The following PHF21A variants were observed in gnomAD, a reference collection of about 807,000 sequenced individuals.
PHF21A encodes BHC80a.
PHF21A carries 11 observed loss-of-function variants against 82.5 expected under a neutral mutation model. That is an observed-to-expected ratio of 0.13 (90% CI 0.08 to 0.22). PHF21A has a LOEUF of 0.22. Ranked by LOEUF, PHF21A falls within the 10% of genes least tolerant of loss-of-function variation. The pLI is 1.00. For missense variants in PHF21A, 579 were observed against 837.8 expected, an observed-to-expected ratio of 0.69 and a Z score of 3.81; for synonymous variants, 297 against 302.8, an observed-to-expected ratio of 0.98 and a Z score of 0.20.
chr11:46,087,323 CAAT>C (rs1248521362), intron 3 of PHF21A, among the ~76,000 whole-genome samples: 1 of 152,146 alleles, frequency 6.6e-6, no homozygotes, highest in Non-Finnish European at 1.5e-5. Flanking sequence ...GTGCCTCGCA[CAAT>C]AATAAGCCTG....
At chr11:45,961,631 T>C (rs1028602349) in intron 10 of PHF21A, among the ~76,000 whole-genome samples, 2 of 34,996 alleles carry the variant, frequency 5.7e-5, no homozygotes, top group African/African-American at 1.2e-4. Flanking sequence ...TAGCTCTGAA[T>C]TGACGACATG....
chr11:46,073,868 CAG>C (rs753612232), intron 6 of PHF21A, among the ~76,000 whole-genome samples: 46 of 152,278 alleles, frequency 3.0e-4, no homozygotes, highest in Admixed American at 1.1e-3. Flanking sequence ...TGAAATCTGC[CAG>C]AGTTTCTTTC....
intron 6 of PHF21A, among the ~76,000 whole-genome samples, chr11:46,008,773 A>G (rs898440792): frequency 6.6e-6 from 1 of 152,172 alleles, no homozygotes; most frequent in Non-Finnish European, 1.5e-5. Flanking sequence ...ATTTAAGTAA[A>G]TAAATGTAAA....
intron 15 of PHF21A, among the ~76,000 whole-genome samples, chr11:45,941,944 G>A (rs1454758821): frequency 6.6e-6 from 1 of 152,166 alleles, no homozygotes; most frequent in Non-Finnish European, 1.5e-5. Flanking sequence ...TTAGTGTCTG[G>A]TAGGTTTTGT....
chr11:46,001,088 T>C (rs1485340153), intron 6 of PHF21A, among the ~76,000 whole-genome samples: 1 of 152,058 alleles, frequency 6.6e-6, no homozygotes, highest in Non-Finnish European at 1.5e-5. Context: ...CAACATATCT[T>C]AACCATAAAA....
chr11:45,936,564 C>T lies in PHF21A; in HGVS notation c.1614G>A (p.Leu538=), dbSNP rs769968905. Reference sequence around the variant, plus strand: ...GCCATGGAATTGCTTCTTCCTTCTTCAGCATCTGAAAAGATTTTTAGAATT... The same window carrying T: ...GCCATGGAATTGCTTCTTCCTTCTTTAGCATCTGAAAAGATTTTTAGAATT... ...WICPRCQDQM[L]KKEEAIPWPG... Residue 538 remains leucine, a synonymous_variant, in exon 17 of 19, where the codon CTG becomes CTA. Coordinates refer to ENST00000676320, the MANE Select transcript of PHF21A (RefSeq NM_001352027.3). 3 of 1,610,226 alleles carry T rather than the reference C, an allele frequency of 1.9e-6. No individual in the cohort carries two copies. The highest frequency in any genetic ancestry group is 1.1e-5 in the South Asian group (1 of 90,982).
chr11:45,976,134 C>T (rs1174787714), intron 7 of PHF21A, among the ~76,000 whole-genome samples: 1 of 152,146 alleles, frequency 6.6e-6, no homozygotes, highest in African/African-American at 2.4e-5. Flanking sequence ...CACCAGCCTA[C>T]TTACGATTCC....
chr11:46,121,197 T>TCTCTCC lies in PHF21A; in HGVS notation c.-500_-499insGGAGAG, dbSNP rs888735087. On this transcript the variant is annotated 5_prime_UTR_variant, in exon 1 of 19. Coordinates refer to ENST00000676320, the MANE Select transcript of PHF21A (RefSeq NM_001352027.3). ...CTCTCACTCACTCTCTCTCTCTCTC[T>TCTCTCC]CTCTCTGGGCTGTTTCTTTCCTCCT... 2 of 140,352 alleles carry TCTCTCC rather than the reference T, an allele frequency of 1.4e-5. No homozygotes were observed. The highest frequency in any genetic ancestry group is 3.1e-5 in the Non-Finnish European group (2 of 64,860). The allele number at this position is 140,352 out of a possible 1,614,324, so 8.7% of individuals were successfully genotyped here.
At chr11:45,995,845 T>G (rs932751591) in intron 6 of PHF21A, among the ~76,000 whole-genome samples, 1 of 152,216 alleles carries the variant, frequency 6.6e-6, no homozygotes, top group Non-Finnish European at 1.5e-5. Flanking sequence ...GGGAGCTTAT[T>G]TAAATCAAAA....
At chr11:46,102,769 T>G (rs2097111243) in intron 1 of PHF21A, among the ~76,000 whole-genome samples, 1 of 152,242 alleles carries the variant, frequency 6.6e-6, no homozygotes, top group South Asian at 2.1e-4. Flanking sequence ...TTTTAAGCTA[T>G]CCATTCTCCA....
chr11:46,092,506 G>A (rs1401133581), intron 1 of PHF21A, among the ~76,000 whole-genome samples: 1 of 152,136 alleles, frequency 6.6e-6, no homozygotes, highest in Non-Finnish European at 1.5e-5. Context: ...ACATAGAAAT[G>A]AAATGCACCT....
intron 6 of PHF21A, among the ~76,000 whole-genome samples, chr11:46,002,467 T>C (rs1178898895): frequency 1.3e-5 from 2 of 152,174 alleles, no homozygotes; most frequent in East Asian, 3.8e-4. Context: ...TAAATGATGA[T>C]TTATTTGAGA....
At chr11:45,990,402 G>A (rs1372586530) in intron 6 of PHF21A, among the ~76,000 whole-genome samples, 1 of 151,550 alleles carries the variant, frequency 6.6e-6, no homozygotes, top group Non-Finnish European at 1.5e-5. Context: ...GGGACTACAC[G>A]AATGCACCAC....
chr11:46,001,332 T>C (rs1317308471), intron 6 of PHF21A, among the ~76,000 whole-genome samples: 1 of 150,556 alleles, frequency 6.6e-6, no homozygotes, highest in African/African-American at 2.4e-5. Flanking sequence ...ACCAGGTCCA[T>C]TGACAGCACA....
At chr11:45,983,494 GA>G (rs36102025) in intron 6 of PHF21A, among the ~76,000 whole-genome samples, 8 of 149,572 alleles carry the variant, frequency 5.3e-5, no homozygotes, top group African/African-American at 2.0e-4. Context: ...TGCTATCTGT[GA>G]AAAAAAAAAA....
intron 11 of PHF21A, among the ~76,000 whole-genome samples, chr11:45,952,879 C>A (rs1349926813): frequency 2.0e-5 from 3 of 152,210 alleles, no homozygotes; most frequent in Non-Finnish European, 4.4e-5. Context: ...TATGCAAAAA[C>A]ATCAAACTGA....
intron 14 of PHF21A, among the ~76,000 whole-genome samples, chr11:45,946,547 T>C (rs1008354520): frequency 6.6e-6 from 1 of 152,100 alleles, no homozygotes; most frequent in African/African-American, 2.4e-5. Flanking sequence ...AGCTAATTTT[T>C]TGTATTTTTA....
chr11:46,025,530 C>G (rs2095723490), intron 6 of PHF21A, among the ~76,000 whole-genome samples: 1 of 152,148 alleles, frequency 6.6e-6, no homozygotes, highest in African/African-American at 2.4e-5. Flanking sequence ...AAGAAAAATT[C>G]CTTTACCTGA....
intron 6 of PHF21A, among the ~76,000 whole-genome samples, chr11:46,000,575 T>G (rs905366316): frequency 6.6e-6 from 1 of 152,222 alleles, no homozygotes; most frequent in Non-Finnish European, 1.5e-5. Context: ...ATCTGTCAAA[T>G]TCAATTGTCT....
Sources: allele counts gnomAD v4.1 joint callset (sites outside exome capture counted in the v4.1 genomes callset), GRCh38; gene constraint gnomAD v4.1.1; transcripts MANE v1.5; gene names NCBI Gene and HGNC (gene_info 2026-07-23, HGNC 2026-07-21).